Variants in YPEL1 observed in about 807,000 individuals in gnomAD.
YPEL1 encodes the protein yippee like 1.
YPEL1 carries 7 observed loss-of-function variants against 17.3 expected under a neutral mutation model. The ratio of observed to expected loss-of-function variants is 0.40; its 90% CI spans 0.23 to 0.76. The LOEUF (loss-of-function observed/expected upper bound fraction) is 0.76, where lower values mean the gene tolerates loss of function less well. YPEL1 is among the 30% of genes least tolerant of loss of function. YPEL1 has a pLI of 0.35. For missense variants in YPEL1, 91 were observed against 155.5 expected (o/e 0.59, Z 2.21); for synonymous variants, 59 against 59.6 (o/e 0.99, Z 0.05).
Position 21,703,963 on chromosome 22 carries a change from G to A in YPEL1, c.118-81C>T. The A allele has an allele frequency of 6.6e-7, 1 of 1,504,254 alleles. No individual in the cohort carries two copies. The highest frequency in any genetic ancestry group is 9.1e-7 in the Non-Finnish European group (1 of 1,103,590). The allele number at this position is 1,504,254 out of a possible 1,614,324, so 93.2% of individuals were successfully genotyped here. ...TGCTGCCCAGAACCAGGGGAGTCCA[G>A]CCCCGCGGCTGTTAGCTGCGCCGGG... is the stretch of plus-strand genomic sequence containing the variant. On this transcript the variant is annotated intron_variant, in intron 2 of 4. Coordinates refer to ENST00000339468, the MANE Select transcript of YPEL1 (RefSeq NM_013313.5). This position sits in a 1 kb window ranked among gnomAD's most constrained non-coding sequence, Gnocchi z 6.1.
At chr22:21,729,562 C>T (rs1728649036) in intron 1 of YPEL1, among the ~76,000 whole-genome samples, 1 of 152,144 alleles carries the variant, frequency 6.6e-6, no homozygotes, top group Non-Finnish European at 1.5e-5. Context: ...GATCACACCA[C>T]TGCACTCCAG....
Position 21,710,620 on chromosome 22 carries a change from C to T in YPEL1, c.117+8G>A, listed in dbSNP as rs756545015. 2.5e-6 allele frequency: 4 copies of T among 1,613,138 alleles called. No homozygotes were observed. The highest frequency in any genetic ancestry group is 2.5e-6 in the Non-Finnish European group (3 of 1,179,036). The stretch of plus-strand genomic sequence containing the variant: ...TGTGCCATCAATTTTTTGGCATAAG[C>T]CACTTGCCTTGGAGATGAGCTCGTC... On this transcript the variant is annotated splice_region_variant and intron_variant, in intron 2 of 4. Coordinates refer to ENST00000339468, the MANE Select transcript of YPEL1 (RefSeq NM_013313.5).
chr22:21,698,481 G>GGACTT lies in YPEL1; in HGVS notation c.*2643_*2647dup, dbSNP rs1314554185. On this transcript the variant is annotated 3_prime_UTR_variant, in exon 5 of 5. Coordinates refer to ENST00000339468, the MANE Select transcript of YPEL1 (RefSeq NM_013313.5). Reference sequence around the variant, plus strand: ...TAAGTGAAGCATCTTGAGTCACTCAGGACTTGGCTGTCCTCGCACCCGTGG... The same window carrying GGACTT: ...TAAGTGAAGCATCTTGAGTCACTCAGGACTTGACTTGGCTGTCCTCGCACCCGTGG... 1 of 152,356 alleles carries GGACTT rather than the reference G, an allele frequency of 6.6e-6. No individual in the cohort carries two copies. The highest frequency in any genetic ancestry group is 2.4e-5 in the African/African-American group (1 of 41,460). 9.4% of individuals were successfully genotyped at this position (152,356 alleles called of 1,614,324 possible).
chr22:21,729,342 C>T (rs985966732), intron 1 of YPEL1, among the ~76,000 whole-genome samples: 3 of 150,894 alleles, frequency 2.0e-5, no homozygotes, highest in African/African-American at 4.9e-5. Flanking sequence ...AGGGGTGGCC[C>T]ATGCCTGTAA....
At chr22:21,718,017 G>A (rs1221232456) in intron 1 of YPEL1, among the ~76,000 whole-genome samples, 4 of 151,952 alleles carry the variant, frequency 2.6e-5, no homozygotes, top group African/African-American at 9.7e-5. Context: ...TGTGGTCCCA[G>A]CTACTAGGGA....
chr22:21,712,983 T>A (rs2068185549), intron 1 of YPEL1, among the ~76,000 whole-genome samples: 1 of 152,052 alleles, frequency 6.6e-6, no homozygotes, highest in African/African-American at 2.4e-5. Flanking sequence ...GAAGAAGATA[T>A]ACAGATGGCC....
intron 2 of YPEL1, among the ~76,000 whole-genome samples, chr22:21,705,468 G>A (rs1383062007): frequency 1.3e-5 from 2 of 152,172 alleles, no homozygotes; most frequent in Non-Finnish European, 2.9e-5. Flanking sequence ...AAACAAAGAT[G>A]GTTTTGTATT....
intron 1 of YPEL1, among the ~76,000 whole-genome samples, chr22:21,723,876 A>T (rs186367258): frequency 6.6e-6 from 1 of 151,984 alleles, no homozygotes; most frequent in African/African-American, 2.4e-5. Context: ...CATGTTGGCC[A>T]GGCTGGTCTC....
Position 21,729,963 on chromosome 22 carries a change from C to T in YPEL1, c.-165+5652G>A, listed in dbSNP as rs189863697. 1.3e-3 allele frequency among the ~76,000 whole-genome samples: 203 copies of T among 152,078 alleles called. 1 individual carries two copies. The Middle Eastern group carries it at 0.024, about 18-fold the overall frequency. On this transcript the variant is annotated intron_variant, in intron 1 of 4. Transcript: ENST00000339468. ...TGGAGATCGAGACCAGCCTGGCCAA[C>T]CAACATGGTGAAACCTCGTCTCTAC...
chr22:21,712,469 G>C (rs1028825359), intron 1 of YPEL1, among the ~76,000 whole-genome samples: 3 of 145,336 alleles, frequency 2.1e-5, no homozygotes, highest in African/African-American at 7.3e-5. Flanking sequence ...GCTCACGCCT[G>C]TAATCCCAGC....
At position 21,700,488 on chromosome 22, in the gene YPEL1, T is replaced by TA. The variant is rs1368361591; in HGVS notation, c.*640_*641insT. The TA allele has an allele frequency of 6.6e-6, 1 of 151,532 alleles. No homozygotes were observed. The highest frequency in any genetic ancestry group is 1.5e-5 in the Non-Finnish European group (1 of 67,848). 9.4% of individuals were successfully genotyped at this position (151,532 alleles called of 1,614,324 possible). A position where few individuals can be genotyped will look rare whatever the true frequency, so the allele number is the denominator to read the frequency against. ...CACCATACCCAGCTTTTTTTTTTTT[T>TA]TTTGAGACGATGTCTCACTTTTGTC... On this transcript the variant is annotated 3_prime_UTR_variant, in exon 5 of 5. Coordinates refer to ENST00000339468, the MANE Select transcript of YPEL1 (RefSeq NM_013313.5).
At chr22:21,705,834 A>G (rs2068110220) in intron 2 of YPEL1, among the ~76,000 whole-genome samples, 2 of 152,048 alleles carry the variant, frequency 1.3e-5, no homozygotes, top group African/African-American at 2.4e-5. Flanking sequence ...ACCTGCCTCT[A>G]AAAAACATAA....
intron 1 of YPEL1, among the ~76,000 whole-genome samples, chr22:21,722,064 T>A (rs564969691): frequency 6.6e-6 from 1 of 152,334 alleles, no homozygotes; most frequent in East Asian, 1.9e-4. Flanking sequence ...TGTCTTTTTT[T>A]AAGGCTAAAT....
At chr22:21,723,111 C>G (rs1159606160) in intron 1 of YPEL1, 1 of 152,250 alleles carries the variant, frequency 6.6e-6, no homozygotes, top group Non-Finnish European at 1.5e-5. Flanking sequence ...CCCAGAACTC[C>G]TGGGTTCAAG....
chr22:21,702,237 C>T (rs1167898581), intron 4 of YPEL1, among the ~76,000 whole-genome samples: 1 of 152,118 alleles, frequency 6.6e-6, no homozygotes, highest in Non-Finnish European at 1.5e-5. Context: ...GCGGGTGCAG[C>T]CATAGAGGGG....
intron 1 of YPEL1, among the ~76,000 whole-genome samples, chr22:21,712,182 AT>A (rs2068172950): frequency 6.6e-6 from 1 of 152,168 alleles, no homozygotes; most frequent in South Asian, 2.1e-4. Flanking sequence ...CTCTAAATAA[AT>A]AAATAAAAAC....
rs2068087047 is a variant in YPEL1, at chr22:21,703,676, G to A, written c.161+163C>T. Among the ~76,000 whole-genome samples, 1 of 147,054 alleles carries A rather than the reference G, an allele frequency of 6.8e-6. No homozygotes were observed. The highest frequency in any genetic ancestry group is 1.5e-5 in the Non-Finnish European group (1 of 66,292). On this transcript the variant is annotated intron_variant, in intron 3 of 4. Coordinates refer to ENST00000339468, the MANE Select transcript of YPEL1 (RefSeq NM_013313.5). The surrounding 1 kb of genome is among the most constrained non-coding windows in gnomAD (Gnocchi z 6.1). Reference sequence around the variant, plus strand: ...AAGATCAGTGATGGGACAGGCTAGGGGGCAAGATCCTTAGCGCGTTTCAGA... The same window carrying A: ...AAGATCAGTGATGGGACAGGCTAGGAGGCAAGATCCTTAGCGCGTTTCAGA...
intron 1 of YPEL1, among the ~76,000 whole-genome samples, chr22:21,714,462 A>G (rs2068202029): frequency 6.6e-6 from 1 of 152,180 alleles, no homozygotes; most frequent in African/African-American, 2.4e-5. Flanking sequence ...TTCTCTGCTG[A>G]CGTGCAGCCA....
chr22:21,713,617 T>G (rs2068192676), intron 1 of YPEL1, among the ~76,000 whole-genome samples: 1 of 152,044 alleles, frequency 6.6e-6, no homozygotes, highest in Non-Finnish European at 1.5e-5. Flanking sequence ...AGTGTTTCAG[T>G]TTTGCAACAT....
Sources: gnomAD v4.1 joint callset for allele counts (sites outside exome capture counted in the v4.1 genomes callset) on GRCh38, gnomAD v4.1.1 for gene constraint, Gnocchi (gnomAD v3.1) non-coding constraint, MANE v1.5 for transcripts, NCBI Gene and HGNC (gene_info 2026-07-23, HGNC 2026-07-21) for gene names.